The following TMTC1 variants were observed in gnomAD, a reference collection of about 807,000 sequenced individuals.
The protein encoded by TMTC1 is protein O-mannosyl-transferase TMTC1.
Under a neutral mutation model 104.8 loss-of-function variants are expected in TMTC1, and 73 were observed. The observed-to-expected ratio is 0.70, with a 90% CI of 0.58 to 0.85. TMTC1 has a LOEUF of 0.85. Ranked by LOEUF, TMTC1 falls within the 40% of genes least tolerant of loss-of-function variation. The pLI is 0.00. For missense variants in TMTC1, 1,035 were observed against 1,096.1 expected, an observed-to-expected ratio of 0.94 and a Z score of 0.79; for synonymous variants, 434 against 428.7, an observed-to-expected ratio of 1.01 and a Z score of -0.15.
chr12:29,762,680 T>C (rs1943379297), intron 2 of TMTC1, among the ~76,000 whole-genome samples: 1 of 152,222 alleles, frequency 6.6e-6, no homozygotes, highest in African/African-American at 2.4e-5. Context: ...TGAAAGCTAT[T>C]ACCTGACGTG....
At chr12:29,562,291 C>T (rs1284310061) in intron 9 of TMTC1, among the ~76,000 whole-genome samples, 1 of 152,234 alleles carries the variant, frequency 6.6e-6, no homozygotes, top group East Asian at 1.9e-4. Flanking sequence ...GTGACGCACT[C>T]TTCAAGAGGG....
At chr12:29,697,527 A>G (rs1286863026) in intron 5 of TMTC1, among the ~76,000 whole-genome samples, 1 of 152,242 alleles carries the variant, frequency 6.6e-6, no homozygotes, top group Non-Finnish European at 1.5e-5. Context: ...ATGTGTGTGT[A>G]TAGAAAGAGA....
At chr12:29,548,665 T>A (rs991847586) in intron 10 of TMTC1, among the ~76,000 whole-genome samples, 1 of 151,800 alleles carries the variant, frequency 6.6e-6, no homozygotes, top group Non-Finnish European at 1.5e-5. Context: ...CCTCTTTTTC[T>A]TCATAAATTA....
chr12:29,558,471 C>G (rs1021071599), intron 9 of TMTC1, among the ~76,000 whole-genome samples: 1 of 152,050 alleles, frequency 6.6e-6, no homozygotes, highest in African/African-American at 2.4e-5. Flanking sequence ...TTTATTTGAC[C>G]CTTCGCTACT....
At chr12:29,735,935 G>A (rs575393891) in intron 5 of TMTC1, among the ~76,000 whole-genome samples, 11 of 152,288 alleles carry the variant, frequency 7.2e-5, no homozygotes, top group Non-Finnish European at 1.6e-4. Flanking sequence ...GGGTTACTTC[G>A]GATTTGTAGA....
chr12:29,686,722 T>C (rs1941106050), intron 5 of TMTC1, among the ~76,000 whole-genome samples: 1 of 152,254 alleles, frequency 6.6e-6, no homozygotes, highest in South Asian at 2.1e-4. Context: ...CACTATCTTT[T>C]CTGAATGTTT....
At chr12:29,726,845 TG>T (rs1207171060) in intron 5 of TMTC1, among the ~76,000 whole-genome samples, 1 of 152,214 alleles carries the variant, frequency 6.6e-6, no homozygotes, top group Non-Finnish European at 1.5e-5. Context: ...AGAAATTAAA[TG>T]TAAACATAAA....
chr12:29,638,148 A>T (rs1306952386), intron 5 of TMTC1, among the ~76,000 whole-genome samples: 1 of 151,802 alleles, frequency 6.6e-6, no homozygotes, highest in East Asian at 1.9e-4. Flanking sequence ...GAGAACAGGC[A>T]CTCCTGTTTT....
intron 10 of TMTC1, among the ~76,000 whole-genome samples, chr12:29,551,137 G>A (rs1256152189): frequency 3.9e-5 from 6 of 152,116 alleles, no homozygotes; most frequent in Admixed American, 3.9e-4. Context: ...GGAGGATGCA[G>A]AAAATGCTCA....
At chr12:29,720,763 A>G (rs1217501709) in intron 5 of TMTC1, among the ~76,000 whole-genome samples, 5 of 152,174 alleles carry the variant, frequency 3.3e-5, no homozygotes, top group African/African-American at 1.2e-4. Context: ...AATGGCCACA[A>G]GTTTTCCAGA....
intron 9 of TMTC1, among the ~76,000 whole-genome samples, chr12:29,568,278 C>A (rs59519970): frequency 6.6e-6 from 1 of 151,774 alleles, no homozygotes; most frequent in African/African-American, 2.4e-5. Context: ...TCTTGCAAAG[C>A]GATAAAATTT....
At chr12:29,621,271 C>T (rs1447191727) in intron 6 of TMTC1, among the ~76,000 whole-genome samples, 1 of 152,218 alleles carries the variant, frequency 6.6e-6, no homozygotes, top group Non-Finnish European at 1.5e-5. Flanking sequence ...TTTATAACTG[C>T]TATTCTGGAA....
At chr12:29,750,180 C>T (rs1665578613) in intron 5 of TMTC1, among the ~76,000 whole-genome samples, 2 of 152,184 alleles carry the variant, frequency 1.3e-5, no homozygotes, top group Middle Eastern at 6.8e-3. Flanking sequence ...TGCCCTGCCC[C>T]CTCCTTGCCC....
At chr12:29,621,638 G>A (rs182359987) in intron 6 of TMTC1, among the ~76,000 whole-genome samples, 20 of 152,248 alleles carry the variant, frequency 1.3e-4, no homozygotes, top group Admixed American at 5.2e-4. Flanking sequence ...AGTGGCTTTC[G>A]TTTTGATCTT....
chr12:29,653,387 C>G (rs1358207148), intron 5 of TMTC1, among the ~76,000 whole-genome samples: 1 of 151,972 alleles, frequency 6.6e-6, no homozygotes, highest in African/African-American at 2.4e-5. Context: ...CACGAGGGGA[C>G]TACTTGGATG....
intron 6 of TMTC1, among the ~76,000 whole-genome samples, chr12:29,606,845 A>T (rs565632416): frequency 6.6e-6 from 1 of 150,860 alleles, no homozygotes; most frequent in Admixed American, 6.6e-5. Context: ...CACCTTCCTC[A>T]CTACGGTGGG....
At chr12:29,667,181 T>C (rs573229918) in intron 5 of TMTC1, among the ~76,000 whole-genome samples, 22 of 152,320 alleles carry the variant, frequency 1.4e-4, no homozygotes, top group Non-Finnish European at 2.8e-4. Flanking sequence ...GTACTTTCCT[T>C]GAACCCATGA....
chr12:29,643,717 A>AT (rs1215114652), intron 5 of TMTC1, among the ~76,000 whole-genome samples: 491 of 34,258 alleles, frequency 0.014, 161 homozygotes, highest in Non-Finnish European at 0.018. Flanking sequence ...TTATATATAT[A>AT]ATATATAAAT....
At chr12:29,596,640 T>C (rs1215297258) in intron 7 of TMTC1, among the ~76,000 whole-genome samples, 3 of 152,224 alleles carry the variant, frequency 2.0e-5, no homozygotes, top group Non-Finnish European at 4.4e-5. Flanking sequence ...AGCTGGTGCA[T>C]TGAGCTTTTA....
Sources: allele counts gnomAD v4.1 joint callset (sites outside exome capture counted in the v4.1 genomes callset), GRCh38; gene constraint gnomAD v4.1.1; transcripts MANE v1.5; gene names NCBI Gene and HGNC (gene_info 2026-07-23, HGNC 2026-07-21).